The following DMRT1 variants were observed in gnomAD, a reference collection of about 807,000 sequenced individuals.
DMRT1 encodes doublesex and mab-3 related transcription factor 1.
A neutral mutation model predicts 32.3 loss-of-function variants in DMRT1; 7 were observed. The ratio of observed to expected loss-of-function variants is 0.22; its 90% CI spans 0.12 to 0.41. The LOEUF is 0.41. Ranked by LOEUF, DMRT1 falls within the 10% of genes least tolerant of loss-of-function variation. The pLI, the probability that DMRT1 is intolerant of heterozygous loss-of-function variation, is 1.00. For synonymous variants in DMRT1, 278 were observed against 206.1 expected (o/e 1.35, Z -2.99); for missense variants, 625 against 500.5 (o/e 1.25, Z -2.37).
chr9:859,465 G>A (rs1193271753), intron 2 of DMRT1, among the ~76,000 whole-genome samples: 3 of 152,108 alleles, frequency 2.0e-5, no homozygotes, highest in Admixed American at 6.5e-5. Flanking sequence ...GCTCTCTCAC[G>A]GAGTCTTGAC....
chr9:891,674 C>T (rs1453935655), intron 2 of DMRT1, among the ~76,000 whole-genome samples: 1 of 150,366 alleles, frequency 6.7e-6, no homozygotes. Context: ...GCCACCACGC[C>T]TGGCTAATTT....
intron 4 of DMRT1, among the ~76,000 whole-genome samples, chr9:949,376 A>G (rs1451993724): frequency 1.3e-5 from 2 of 151,966 alleles, no homozygotes; most frequent in African/African-American, 4.8e-5. Flanking sequence ...GGGAAAAAAA[A>G]ACCCCAAAAA....
intron 4 of DMRT1, among the ~76,000 whole-genome samples, chr9:923,593 G>C (rs1818423834): frequency 6.6e-6 from 1 of 152,210 alleles, no homozygotes; most frequent in African/African-American, 2.4e-5. Context: ...GGCTGTGTGG[G>C]CATTTCACAT....
intron 4 of DMRT1, among the ~76,000 whole-genome samples, chr9:924,229 A>G (rs182674603): frequency 6.6e-6 from 1 of 151,890 alleles, no homozygotes; most frequent in African/African-American, 2.4e-5. Flanking sequence ...GCACCACCAC[A>G]CCCAGCTAAC....
chr9:945,809 T>C (rs1056830085), intron 4 of DMRT1, among the ~76,000 whole-genome samples: 1 of 151,982 alleles, frequency 6.6e-6, no homozygotes, highest in Non-Finnish European at 1.5e-5. Context: ...TCCCTCATTT[T>C]ATTTATTTTA....
At chr9:866,054 C>G (rs1226859003) in intron 2 of DMRT1, among the ~76,000 whole-genome samples, 1 of 149,006 alleles carries the variant, frequency 6.7e-6, no homozygotes, top group African/African-American at 2.5e-5. Flanking sequence ...ATCCCAGCTG[C>G]TCAGGAGGCT....
At chr9:868,873 G>A (rs546213442) in intron 2 of DMRT1, among the ~76,000 whole-genome samples, 1 of 152,250 alleles carries the variant, frequency 6.6e-6, no homozygotes, top group East Asian at 1.9e-4. Flanking sequence ...AGCTGGGTAT[G>A]GTGGCACACA....
chr9:886,287 G>A (rs954177797), intron 2 of DMRT1, among the ~76,000 whole-genome samples: 11 of 152,048 alleles, frequency 7.2e-5, no homozygotes, highest in African/African-American at 1.2e-4. Flanking sequence ...GCGGAGTCTC[G>A]CTCTGTCACC....
chr9:877,716 T>A (rs1310637306), intron 2 of DMRT1, among the ~76,000 whole-genome samples: 1 of 152,198 alleles, frequency 6.6e-6, no homozygotes, highest in Non-Finnish European at 1.5e-5. Flanking sequence ...AAAAGCACGA[T>A]ACAATTAAAC....
chr9:934,010 G>A (rs1164765717), intron 4 of DMRT1, among the ~76,000 whole-genome samples: 1 of 141,486 alleles, frequency 7.1e-6, no homozygotes, highest in Non-Finnish European at 1.5e-5. Flanking sequence ...CCTAACCTGT[G>A]ATGCACACTT....
chr9:871,235 C>T (rs60085143), intron 2 of DMRT1, among the ~76,000 whole-genome samples: 12,712 of 151,540 alleles, frequency 0.084, 789 homozygotes, highest in East Asian at 0.19. Flanking sequence ...GCCACGTTGC[C>T]CAGGCTAGTC....
intron 3 of DMRT1, among the ~76,000 whole-genome samples, chr9:897,314 C>T (rs1304246301): frequency 6.6e-6 from 1 of 151,754 alleles, no homozygotes; most frequent in East Asian, 1.9e-4. Flanking sequence ...GATGGTGTTT[C>T]ACCATGTTAG....
chr9:916,154 T>C (rs1358779449), intron 3 of DMRT1, among the ~76,000 whole-genome samples: 1 of 152,194 alleles, frequency 6.6e-6, no homozygotes, highest in Non-Finnish European at 1.5e-5. Context: ...CAAACAAATT[T>C]GTTAGTGTTA....
intron 2 of DMRT1, among the ~76,000 whole-genome samples, chr9:874,549 A>C (rs1476535070): frequency 6.6e-6 from 1 of 152,216 alleles, no homozygotes; most frequent in East Asian, 1.9e-4. Context: ...ATTCTTGTTA[A>C]TGATGGCAAC....
intron 2 of DMRT1, among the ~76,000 whole-genome samples, chr9:860,705 C>T (rs1030640417): frequency 6.6e-6 from 1 of 152,154 alleles, no homozygotes; most frequent in Non-Finnish European, 1.5e-5. Context: ...TGGATGTGAC[C>T]AAGGGGACAC....
At chr9:910,961 A>G (rs1051420190) in intron 3 of DMRT1, among the ~76,000 whole-genome samples, 2 of 152,170 alleles carry the variant, frequency 1.3e-5, no homozygotes, top group African/African-American at 4.8e-5. Context: ...GGAGAAAAAT[A>G]TATATCCCTT....
intron 2 of DMRT1, among the ~76,000 whole-genome samples, chr9:884,361 G>A (rs975247460): frequency 9.0e-6 from 1 of 110,758 alleles, no homozygotes; most frequent in African/African-American, 3.2e-5. Context: ...CACACTGCAT[G>A]TTAGTGCAAA....
chr9:917,580 T>A (rs181009371), intron 4 of DMRT1, among the ~76,000 whole-genome samples: 1 of 152,154 alleles, frequency 6.6e-6, no homozygotes, highest in Non-Finnish European at 1.5e-5. Flanking sequence ...TCTTTTGATG[T>A]AGGAAAGTGA....
intron 4 of DMRT1, among the ~76,000 whole-genome samples, chr9:937,485 T>C (rs937982443): frequency 9.9e-5 from 15 of 152,248 alleles, no homozygotes; most frequent in Admixed American, 6.5e-5. Flanking sequence ...GGTTCAACTT[T>C]TTCCATATCC....
Sources: allele counts gnomAD v4.1 joint callset (sites outside exome capture counted in the v4.1 genomes callset), GRCh38; gene constraint gnomAD v4.1.1; transcripts MANE v1.5; gene names NCBI Gene and HGNC (gene_info 2026-07-23, HGNC 2026-07-21).